NRXN1: variants seen among roughly 807,000 people sequenced by gnomAD.
The protein encoded by NRXN1 is neurexin 1.
NRXN1 carries 39 observed loss-of-function variants against 150.9 expected under a neutral mutation model. The ratio of observed to expected loss-of-function variants is 0.26; its 90% CI spans 0.20 to 0.34. The LOEUF is 0.34. Ranked by LOEUF, NRXN1 falls within the 10% of genes least tolerant of loss-of-function variation. NRXN1 has a pLI of 1.00. For synonymous variants in NRXN1, 924 were observed against 757.0 expected (o/e 1.22, Z -3.62); for missense variants, 1,815 against 1,949.9 (o/e 0.93, Z 1.30).
intron 5 of NRXN1, among the ~76,000 whole-genome samples, chr2:50,637,980 C>T (rs554491357): frequency 2.0e-5 from 3 of 152,214 alleles, no homozygotes; most frequent in Non-Finnish European, 4.4e-5. Flanking sequence ...TAATGAATTT[C>T]AGCTGAATTG....
rs538121872 is a variant in NRXN1, at chr2:50,179,613, G to A, written c.3546+57176C>T. Among the ~76,000 whole-genome samples, 5 of 152,214 alleles carry A rather than the reference G, an allele frequency of 3.3e-5. 1 individual carries two copies. Among genetic ancestry groups the A allele is most frequent in the African/African-American group, 1.2e-4 (5 of 41,564 alleles). On this transcript the variant is annotated intron_variant, in intron 18 of 22. Coordinates refer to ENST00000401669, the MANE Select transcript of NRXN1 (RefSeq NM_001330078.2). ...GAGAACAGGAGCTTTTGTGAATTCAGTAAAGCTTATAAAATACCTCATTAT... is the reference window on the plus strand; with the variant it reads ...GAGAACAGGAGCTTTTGTGAATTCAATAAAGCTTATAAAATACCTCATTAT...
chr2:50,606,011 G>A (rs1677051494), intron 8 of NRXN1, among the ~76,000 whole-genome samples: 1 of 152,020 alleles, frequency 6.6e-6, no homozygotes, highest in Non-Finnish European at 1.5e-5. Flanking sequence ...CACTTTGGGA[G>A]GCCAAGGCAG....
chr2:50,760,968 C>A (rs1217611760), intron 5 of NRXN1, among the ~76,000 whole-genome samples: 1 of 151,936 alleles, frequency 6.6e-6, no homozygotes, highest in African/African-American at 2.4e-5. Context: ...CAGTCTTGTT[C>A]TCTTTAACCA....
At chr2:50,825,724 G>T (rs1179887316) in intron 5 of NRXN1, among the ~76,000 whole-genome samples, 2 of 152,194 alleles carry the variant, frequency 1.3e-5, no homozygotes, top group Admixed American at 1.3e-4. Flanking sequence ...GGAACCCAAG[G>T]ATGGGGTCTA....
At chr2:50,659,675 T>C (rs1041954103) in intron 5 of NRXN1, among the ~76,000 whole-genome samples, 1 of 151,768 alleles carries the variant, frequency 6.6e-6, no homozygotes, top group Non-Finnish European at 1.5e-5. Flanking sequence ...ATTTATATTT[T>C]TCTGCAAAAA....
chr2:50,144,077 C>T (rs1707669843), intron 18 of NRXN1, among the ~76,000 whole-genome samples: 1 of 151,808 alleles, frequency 6.6e-6, no homozygotes, highest in African/African-American at 2.4e-5. Flanking sequence ...TCACTATCAT[C>T]CCCACTCCAA....
At chr2:50,963,621 C>T (rs1159434882) in intron 2 of NRXN1, among the ~76,000 whole-genome samples, 1 of 151,578 alleles carries the variant, frequency 6.6e-6, no homozygotes, top group East Asian at 1.9e-4. Flanking sequence ...GGAGATGTTG[C>T]CAGTTTACCT....
intron 5 of NRXN1, among the ~76,000 whole-genome samples, chr2:50,684,217 T>C (rs1355070725): frequency 1.3e-5 from 2 of 152,270 alleles, no homozygotes; most frequent in East Asian, 3.9e-4. Flanking sequence ...ATTAACATCT[T>C]AGAGCCAGGT....
chr2:50,020,437 A>G (rs1214888520), intron 21 of NRXN1, among the ~76,000 whole-genome samples: 1 of 152,350 alleles, frequency 6.6e-6, no homozygotes, highest in Admixed American at 6.5e-5. Context: ...GTTTTCAAAC[A>G]TAATTCTTTA....
intron 17 of NRXN1, among the ~76,000 whole-genome samples, chr2:50,414,627 T>C (rs1207223486): frequency 6.6e-6 from 1 of 152,064 alleles, no homozygotes; most frequent in Non-Finnish European, 1.5e-5. Context: ...TCTTAATTCA[T>C]ACTAAAAATC....
At chr2:50,517,016 G>C (rs1292656051) in intron 12 of NRXN1, among the ~76,000 whole-genome samples, 2 of 152,114 alleles carry the variant, frequency 1.3e-5, no homozygotes, top group Non-Finnish European at 2.9e-5. Context: ...GACCCACACA[G>C]ACTGTTGAGT....
At chr2:50,440,195 G>T (rs542032415) in intron 17 of NRXN1, among the ~76,000 whole-genome samples, 1 of 152,226 alleles carries the variant, frequency 6.6e-6, no homozygotes, top group South Asian at 2.1e-4. Flanking sequence ...GCATACACTG[G>T]GCATGAGGAG....
rs541645132 is a variant in NRXN1 at position 50,790,394 on chromosome 2, G to A, written c.832+131475C>T. 2.2e-4 allele frequency among the ~76,000 whole-genome samples: 34 copies of A among 151,966 alleles called. No homozygotes were observed. The South Asian group carries it at 7.1e-3, about 32-fold the overall frequency. On this transcript the variant is annotated intron_variant, in intron 5 of 22. Transcript: ENST00000401669. The stretch of plus-strand genomic sequence containing the variant: ...TTTCCTCAGGCATTTCTAGATTTTG[G>A]GTCACCAAAACAACCCAACAGCCAT...
intron 5 of NRXN1, among the ~76,000 whole-genome samples, chr2:50,895,795 G>C (rs939143914): frequency 5.3e-5 from 8 of 151,828 alleles, no homozygotes; most frequent in African/African-American, 1.9e-4. Context: ...AGCCAGGCTT[G>C]TCCCAAACTC....
At position 50,347,089 on chromosome 2, in the gene NRXN1, C is replaced by T; in HGVS notation, c.3365-110119G>A. On this transcript the variant is annotated intron_variant, in intron 17 of 22. Transcript: ENST00000401669. The surrounding 1 kb of genome is among the most constrained non-coding windows in gnomAD (Gnocchi z 4.9). Reference sequence around the variant, plus strand: ...ACCGCGCCAGGGCACCCATCCTCTCCCTCCTTCGGACAGTCTTCTCGGGGT... The same window carrying T: ...ACCGCGCCAGGGCACCCATCCTCTCTCTCCTTCGGACAGTCTTCTCGGGGT... 1 of 1,384,978 alleles carries T rather than the reference C, an allele frequency of 7.2e-7. No homozygotes were observed. Among genetic ancestry groups the T allele is most frequent in the South Asian group, 1.2e-5 (1 of 82,022 alleles). 85.8% of individuals were successfully genotyped at this position (1,384,978 alleles called of 1,614,324 possible).
At chr2:50,243,356 AT>A (rs2066206769) in intron 17 of NRXN1, among the ~76,000 whole-genome samples, 1 of 151,848 alleles carries the variant, frequency 6.6e-6, no homozygotes, top group African/African-American at 2.4e-5. Context: ...GAAGTTTGTC[AT>A]ATATAGCAAA....
At chr2:50,774,189 C>T (rs1703332068) in intron 5 of NRXN1, among the ~76,000 whole-genome samples, 1 of 152,072 alleles carries the variant, frequency 6.6e-6, no homozygotes, top group Admixed American at 6.6e-5. Context: ...CAGAAAAATA[C>T]TCATTCACGT....
intron 8 of NRXN1, among the ~76,000 whole-genome samples, chr2:50,602,233 T>A (rs1437329137): frequency 6.6e-6 from 1 of 152,102 alleles, no homozygotes; most frequent in African/African-American, 2.4e-5. Context: ...TGTACTATAT[T>A]CTGTATGGGA....
chr2:50,070,678 G>A (rs1046000710), intron 19 of NRXN1, among the ~76,000 whole-genome samples: 7 of 149,754 alleles, frequency 4.7e-5, no homozygotes, highest in African/African-American at 1.5e-4. Context: ...GCTGAGGCAG[G>A]AGAATGGCGT....
Sources: allele counts gnomAD v4.1 joint callset (sites outside exome capture counted in the v4.1 genomes callset), GRCh38; gene constraint gnomAD v4.1.1; non-coding constraint Gnocchi (gnomAD v3.1); transcripts MANE v1.5; gene names NCBI Gene and HGNC (gene_info 2026-07-23, HGNC 2026-07-21).